PDGFC: variants seen among roughly 807,000 people sequenced by gnomAD.
PDGFC encodes platelet derived growth factor C.
In PDGFC, 12 loss-of-function variants were observed where a neutral mutation model predicts 35.5. The ratio of observed to expected loss-of-function variants is 0.34; its 90% CI spans 0.22 to 0.55. The LOEUF is 0.55. Ranked by LOEUF, PDGFC falls within the 20% of genes least tolerant of loss-of-function variation. The pLI is 0.91. For missense variants in PDGFC, 322 were observed against 412.4 expected, an observed-to-expected ratio of 0.78 and a Z score of 1.90; for synonymous variants, 159 against 148.8, an observed-to-expected ratio of 1.07 and a Z score of -0.50.
intron 1 of PDGFC, among the ~76,000 whole-genome samples, chr4:156,934,037 T>A (rs1480593343): frequency 1.3e-5 from 2 of 152,198 alleles, no homozygotes; most frequent in Non-Finnish European, 2.9e-5. Context: ...AAAATATGTG[T>A]GTTAGATAAG....
At chr4:156,881,490 G>A (rs1293977213) in intron 1 of PDGFC, among the ~76,000 whole-genome samples, 1 of 152,070 alleles carries the variant, frequency 6.6e-6, no homozygotes, top group African/African-American at 2.4e-5. Context: ...GGACCCAGCG[G>A]GAGATAACTG....
At chr4:156,864,831 T>C (rs1378255125) in intron 1 of PDGFC, among the ~76,000 whole-genome samples, 1 of 152,142 alleles carries the variant, frequency 6.6e-6, no homozygotes, top group African/African-American at 2.4e-5. Context: ...GCTCCAATTA[T>C]AAAACTAGCC....
chr4:156,773,943 A>G (rs1485653575), intron 3 of PDGFC, among the ~76,000 whole-genome samples: 1 of 152,172 alleles, frequency 6.6e-6, no homozygotes, highest in Non-Finnish European at 1.5e-5. Flanking sequence ...TTTCATTCTC[A>G]TTACTTCCAT....
intron 1 of PDGFC, among the ~76,000 whole-genome samples, chr4:156,966,174 T>C (rs1732461707): frequency 1.3e-5 from 2 of 152,138 alleles, no homozygotes; most frequent in South Asian, 2.1e-4. Context: ...AATAAAATCA[T>C]AGTTGGAGGC....
intron 1 of PDGFC, among the ~76,000 whole-genome samples, chr4:156,872,597 A>G (rs1217652466): frequency 2.0e-5 from 3 of 152,180 alleles, no homozygotes; most frequent in Admixed American, 6.6e-5. Context: ...TTCTTTAATT[A>G]AAGTATGTTT....
At chr4:156,793,364 T>G (rs1731346861) in intron 3 of PDGFC, among the ~76,000 whole-genome samples, 1 of 151,806 alleles carries the variant, frequency 6.6e-6, no homozygotes, top group Admixed American at 6.6e-5. Context: ...TACTCTTTCA[T>G]GTACAAATGA....
intron 3 of PDGFC, chr4:156,778,959 A>C: frequency 6.9e-6 from 2 of 288,716 alleles, no homozygotes; most frequent in South Asian, 6.3e-5. Context: ...AAAATAAAAC[A>C]ATATTATAAA....
rs1355049989 is a variant in PDGFC at position 156,939,472 on chromosome 4, AATTAGGCTC to A, written c.118+31305_118+31313del. ...TTTCTCACATAAACCTAAAAAACAA[AATTAGGCTC>A]ATAAAAGTGGGCTTGAAGAGATGAG... On this transcript the variant is annotated intron_variant, in intron 1 of 5. Coordinates refer to ENST00000502773, the MANE Select transcript of PDGFC (RefSeq NM_016205.3). Among the ~76,000 whole-genome samples, 3 of 152,078 alleles carry A rather than the reference AATTAGGCTC, an allele frequency of 2.0e-5. No homozygotes were observed. The East Asian group carries it at 5.8e-4, about 29-fold the overall frequency.
chr4:156,859,548 C>T (rs1026948736), intron 1 of PDGFC, among the ~76,000 whole-genome samples: 1 of 152,038 alleles, frequency 6.6e-6, no homozygotes, highest in African/African-American at 2.4e-5. Flanking sequence ...GGGCAATTAT[C>T]CTAGGACATG....
chr4:156,813,717 T>C (rs983218533), intron 2 of PDGFC, among the ~76,000 whole-genome samples: 6 of 152,270 alleles, frequency 3.9e-5, no homozygotes, highest in African/African-American at 1.4e-4. Context: ...CATTGGATTA[T>C]TTGGTAGGCC....
chr4:156,799,824 A>G (rs1731550472), intron 3 of PDGFC, among the ~76,000 whole-genome samples: 1 of 152,160 alleles, frequency 6.6e-6, no homozygotes, highest in Admixed American at 6.5e-5. Flanking sequence ...TTTGGATTTG[A>G]ATTTTATAGA....
chr4:156,810,768 A>G, intron 3 of PDGFC, 69 bp downstream of exon 3: 1 of 977,262 alleles, frequency 1.0e-6, no homozygotes, highest in Non-Finnish European at 1.5e-6. Flanking sequence ...CTCATGTGTA[A>G]GAGGAGAAAA....
chr4:156,969,416 T>C (rs888677424), intron 1 of PDGFC, among the ~76,000 whole-genome samples: 1 of 152,200 alleles, frequency 6.6e-6, no homozygotes, highest in Non-Finnish European at 1.5e-5. Flanking sequence ...CATTAGCAAG[T>C]TGTAAGAAGC....
chr4:156,763,380 A>T, intron 5 of PDGFC, among the ~76,000 whole-genome samples, 174 bp from the exon 6 acceptor site: 1 of 152,132 alleles, frequency 6.6e-6, no homozygotes, highest in Non-Finnish European at 1.5e-5. Flanking sequence ...AAAAAAAAAA[A>T]AAAATCATCA....
At chr4:156,792,705 A>G (rs188086913) in intron 3 of PDGFC, among the ~76,000 whole-genome samples, 7 of 152,326 alleles carry the variant, frequency 4.6e-5, no homozygotes, top group African/African-American at 1.7e-4. Context: ...ACCTATCTAA[A>G]CAATGAATAA....
chr4:156,866,298 A>G (rs1729840180), intron 1 of PDGFC, among the ~76,000 whole-genome samples: 1 of 152,104 alleles, frequency 6.6e-6, no homozygotes, highest in Non-Finnish European at 1.5e-5. Context: ...ATCATTTTTT[A>G]TGGCTGCATA....
chr4:156,855,421 G>C (rs1235941185), intron 1 of PDGFC, among the ~76,000 whole-genome samples: 4 of 152,136 alleles, frequency 2.6e-5, no homozygotes, highest in African/African-American at 9.7e-5. Flanking sequence ...ATTAAAATTA[G>C]GTAGAAAGAA....
At chr4:156,935,835 T>C (rs1266123696) in intron 1 of PDGFC, among the ~76,000 whole-genome samples, 3 of 152,164 alleles carry the variant, frequency 2.0e-5, no homozygotes, top group Non-Finnish European at 4.4e-5. Flanking sequence ...GACTACACTG[T>C]ATATGCTAGA....
At chr4:156,874,680 A>G (rs2111153527) in intron 1 of PDGFC, among the ~76,000 whole-genome samples, 1 of 152,154 alleles carries the variant, frequency 6.6e-6, no homozygotes, top group African/African-American at 2.4e-5. Flanking sequence ...AGCCAAAAAC[A>G]CTGCATTTAT....
Sources: allele counts gnomAD v4.1 joint callset (sites outside exome capture counted in the v4.1 genomes callset), GRCh38; gene constraint gnomAD v4.1.1; transcripts MANE v1.5; gene names NCBI Gene and HGNC (gene_info 2026-07-23, HGNC 2026-07-21).